The following CRACD variants were observed in gnomAD, a reference collection of about 807,000 sequenced individuals.
CRACD encodes the protein capping protein inhibiting regulator of actin dynamics, also known as capping protein-inhibiting regulator of actin dynamics.
A neutral mutation model predicts 106.8 loss-of-function variants in CRACD; 56 were observed. The ratio of observed to expected loss-of-function variants is 0.52; its 90% CI spans 0.42 to 0.66. The LOEUF (loss-of-function observed/expected upper bound fraction) is 0.66, where lower values mean the gene tolerates loss of function less well. Ranked by LOEUF, CRACD falls within the 30% of genes least tolerant of loss-of-function variation. The pLI is 0.00. For synonymous variants in CRACD, 754 were observed against 670.8 expected (o/e 1.12, Z -1.92); for missense variants, 1,730 against 1,623.2 (o/e 1.07, Z -1.13).
intron 2 of CRACD, among the ~76,000 whole-genome samples, chr4:56,236,668 C>A (rs2109549242): frequency 6.6e-6 from 1 of 150,504 alleles, no homozygotes; most frequent in South Asian, 2.1e-4. Flanking sequence ...AAAGAATGCT[C>A]AATACCTTGA....
intron 1 of CRACD, among the ~76,000 whole-genome samples, chr4:56,142,645 A>G (rs879243738): frequency 6.6e-6 from 1 of 152,122 alleles, no homozygotes; most frequent in South Asian, 2.1e-4. Flanking sequence ...GCTATTTATA[A>G]CATTTTCTTT....
Position 56,316,139 on chromosome 4 carries a change from G to A in CRACD, c.2637G>A (p.Ala879=), listed in dbSNP as rs375268147. The change falls in exon 8 of 11, where the codon GCG becomes GCA. Residue 879 remains alanine (A), a synonymous_variant. Coordinates refer to ENST00000682029, the MANE Select transcript of CRACD (RefSeq NM_001393381.1). ...KKRHSSTGDS[A]DAGPPAAGSA... ...GGCACAGCAGCACCGGAGACAGCGC[G>A]GATGCAGGGCCGCCTGCAGCGGGGA... 116 of 1,614,056 alleles carry A rather than the reference G, an allele frequency of 7.2e-5. No individual in the cohort carries two copies. The highest frequency in any genetic ancestry group is 9.2e-5 in the Non-Finnish European group (109 of 1,180,044).
chr4:56,174,209 A>C (rs1487602990), intron 1 of CRACD, among the ~76,000 whole-genome samples: 2 of 152,172 alleles, frequency 1.3e-5, no homozygotes, highest in African/African-American at 4.8e-5. Context: ...GGTACATGGG[A>C]TATTTTGATA....
intron 1 of CRACD, among the ~76,000 whole-genome samples, chr4:56,115,341 A>G (rs778802313): frequency 6.6e-6 from 1 of 152,194 alleles, no homozygotes; most frequent in Non-Finnish European, 1.5e-5. Flanking sequence ...CAGAATATCA[A>G]TGTGGCTTTT....
At chr4:56,232,058 A>C (rs1022208027) in intron 2 of CRACD, among the ~76,000 whole-genome samples, 18 of 152,086 alleles carry the variant, frequency 1.2e-4, no homozygotes, top group African/African-American at 4.3e-4. Flanking sequence ...AGCCAACTCA[A>C]CTCTCCCACA....
rs144287346 is a variant in CRACD at position 56,123,330 on chromosome 4, A to G, written c.-335-55954A>G. 4.7e-4 allele frequency among the ~76,000 whole-genome samples: 72 copies of G among 152,380 alleles called. 1 individual carries two copies. The East Asian group carries it at 0.01, about 22-fold the overall frequency. ...CCAGAGGCTGGGAAGTCTGAGATCA[A>G]GGTGCTGACCTATTTAGTTTGTAGT... On this transcript the variant is annotated intron_variant, in intron 1 of 10. Coordinates refer to ENST00000682029, the MANE Select transcript of CRACD (RefSeq NM_001393381.1).
rs117029622 is a variant in CRACD at position 56,190,950 on chromosome 4, C to T, written c.-189+11520C>T. Among the ~76,000 whole-genome samples the T allele has an allele frequency of 2.2e-4, 33 of 152,204 alleles. No individual in the cohort carries two copies. The East Asian group carries it at 5.2e-3, about 24-fold the overall frequency. ...ACCACCCCCATGATGCAATCACCTC[C>T]TACCAGATCTCTCACTAGATACATG... is the stretch of plus-strand genomic sequence containing the variant. On this transcript the variant is annotated intron_variant, in intron 2 of 10. Coordinates refer to ENST00000682029, the MANE Select transcript of CRACD (RefSeq NM_001393381.1).
chr4:56,053,682 G>A (rs904137313), intron 1 of CRACD, among the ~76,000 whole-genome samples: 2 of 152,132 alleles, frequency 1.3e-5, no homozygotes, highest in Non-Finnish European at 2.9e-5. Context: ...ACTCCTGTGT[G>A]CATGAGGCTT....
chr4:56,179,118 A>G (rs757244143), intron 1 of CRACD, among the ~76,000 whole-genome samples, 166 bp from the exon 2 acceptor site: 7 of 152,130 alleles, frequency 4.6e-5, no homozygotes, highest in Admixed American at 1.3e-4. Context: ...TTGGCTAAAC[A>G]GTGCAAATCG....
At chr4:56,311,871 T>C (rs1356736035) in intron 6 of CRACD, among the ~76,000 whole-genome samples, 2 of 152,244 alleles carry the variant, frequency 1.3e-5, no homozygotes, top group Non-Finnish European at 2.9e-5. Context: ...CTGTGAATTC[T>C]CTGTAGGTAC....
intron 3 of CRACD, among the ~76,000 whole-genome samples, chr4:56,284,759 T>G (rs566196648): frequency 6.6e-6 from 1 of 152,096 alleles, no homozygotes; most frequent in African/African-American, 2.4e-5. Flanking sequence ...ATCACATCTG[T>G]GTCGTACTTT....
At chr4:56,224,764 G>GT (rs1739211436) in intron 2 of CRACD, among the ~76,000 whole-genome samples, 1 of 152,188 alleles carries the variant, frequency 6.6e-6, no homozygotes, top group Non-Finnish European at 1.5e-5. Flanking sequence ...CTTCAAACAT[G>GT]TTTTTTCTTC....
In CRACD at chr4:56,315,773, A is replaced by C; in HGVS notation, c.2271A>C (p.Thr757=). ...CCATGCTGGGACCCAGCGAAGAGAC[A>C]GCCCCCCAGCCTCCTCCTGCTGGTG... ...KRPMLGPSEE[T]APQPPPAGVR... is the part of the protein sequence containing the mutation. The change falls in exon 8 of 11, where the codon ACA becomes ACC. Residue 757 remains threonine, a synonymous_variant. Transcript: ENST00000682029. This position sits in a 1 kb window ranked among gnomAD's most constrained non-coding sequence, Gnocchi z 4.1. 3 of 1,614,206 alleles carry C rather than the reference A, an allele frequency of 1.9e-6. 1 individual carries two copies. In the South Asian group the frequency reaches 3.3e-5, roughly 18 times the overall value.
In CRACD at chr4:56,316,225, A is replaced by G. The variant is rs1170813051; in HGVS notation, c.2723A>G (p.Gln908Arg). Residue 908 changes from glutamine to arginine, a missense_variant, in exon 8 of 11, where the codon CAA (glutamine) becomes CGA (arginine). Coordinates refer to ENST00000682029, the MANE Select transcript of CRACD (RefSeq NM_001393381.1). ...VALKHGPSLP[Q>R]ERKQAPSTRR... ...CTCAAGCATGGTCCATCCCTCCCCC[A>G]AGAGCGGAAGCAAGCCCCTTCCACC... The G allele has an allele frequency of 6.2e-7, 1 of 1,613,872 alleles. No homozygotes were observed. Among genetic ancestry groups the G allele is most frequent in the Non-Finnish European group, 8.5e-7 (1 of 1,179,884 alleles).
At chr4:56,071,903 G>A (rs1391219322) in intron 1 of CRACD, among the ~76,000 whole-genome samples, 4 of 151,766 alleles carry the variant, frequency 2.6e-5, no homozygotes, top group Non-Finnish European at 5.9e-5. Flanking sequence ...CGAGGCGGGC[G>A]GATCATGAGG....
intron 2 of CRACD, among the ~76,000 whole-genome samples, chr4:56,180,307 C>T (rs189094378): frequency 2.6e-5 from 4 of 151,992 alleles, no homozygotes; most frequent in African/African-American, 4.8e-5. Context: ...CTGGCCAACA[C>T]GGTGAAACCC....
chr4:56,061,751 C>T (rs1732286321), intron 1 of CRACD, among the ~76,000 whole-genome samples: 1 of 152,042 alleles, frequency 6.6e-6, no homozygotes, highest in African/African-American at 2.4e-5. Context: ...AAAAGTAGTT[C>T]TGTTTCTAGA....
intron 1 of CRACD, among the ~76,000 whole-genome samples, chr4:56,125,256 A>T (rs1734620160): frequency 6.6e-6 from 1 of 152,122 alleles, no homozygotes; most frequent in Admixed American, 6.5e-5. Flanking sequence ...TGATTTTTTT[A>T]AATTGTATTG....
chr4:56,280,876 G>A (rs117938), intron 3 of CRACD, among the ~76,000 whole-genome samples: 4 of 151,962 alleles, frequency 2.6e-5, no homozygotes, highest in South Asian at 4.1e-4. Context: ...ACCTTGCTGC[G>A]TTTCAGAGGA....
Sources: allele counts gnomAD v4.1 joint callset (sites outside exome capture counted in the v4.1 genomes callset), GRCh38; gene constraint gnomAD v4.1.1; non-coding constraint Gnocchi (gnomAD v3.1); transcripts MANE v1.5; gene names NCBI Gene and HGNC (gene_info 2026-07-23, HGNC 2026-07-21).